The following RHPN2 variants were observed in gnomAD, a reference collection of about 807,000 sequenced individuals.
RHPN2 encodes rhophilin Rho GTPase binding protein 2.
In RHPN2, 40 loss-of-function variants were observed where a neutral mutation model predicts 79.0. The observed-to-expected ratio is 0.51, with a 90% confidence interval of 0.39 to 0.66. RHPN2 has a LOEUF of 0.66. Ranked by LOEUF, RHPN2 falls within the 30% of genes least tolerant of loss-of-function variation. The pLI is 0.00. For missense variants in RHPN2, 686 were observed against 883.5 expected (o/e 0.78, Z 2.83); for synonymous variants, 285 against 363.5 (o/e 0.78, Z 2.46).
chr19:33,019,257 C>G (rs1315933493), intron 4 of RHPN2, among the ~76,000 whole-genome samples: 1 of 151,866 alleles, frequency 6.6e-6, no homozygotes, highest in Non-Finnish European at 1.5e-5. Flanking sequence ...CCAGCCTGGG[C>G]AACAGTGGGA....
chr19:33,006,140 A>G (rs1971789206), intron 7 of RHPN2, among the ~76,000 whole-genome samples: 1 of 152,010 alleles, frequency 6.6e-6, no homozygotes, highest in South Asian at 2.1e-4. Context: ...TCAGCCTCCT[A>G]AAGTGCTGGG....
intron 14 of RHPN2, among the ~76,000 whole-genome samples, chr19:32,988,892 G>A (rs1204406625): frequency 6.6e-6 from 1 of 152,158 alleles, no homozygotes; most frequent in East Asian, 1.9e-4. Context: ...TGACTTTAAT[G>A]CCAGCTTCGC....
chr19:32,988,137 T>C (rs999432893), intron 14 of RHPN2, among the ~76,000 whole-genome samples: 9 of 151,540 alleles, frequency 5.9e-5, no homozygotes, highest in Admixed American at 5.3e-4. Context: ...AAGTCAAGGC[T>C]ACAGTGAGCT....
intron 1 of RHPN2, among the ~76,000 whole-genome samples, chr19:33,047,562 G>A (rs966927151): frequency 6.6e-6 from 1 of 152,116 alleles, no homozygotes; most frequent in African/African-American, 2.4e-5. Context: ...CGGTCTGGCG[G>A]GTAGTATTAC....
At chr19:33,058,762 G>A (rs993268801) in intron 1 of RHPN2, among the ~76,000 whole-genome samples, 4 of 152,030 alleles carry the variant, frequency 2.6e-5, no homozygotes, top group African/African-American at 9.7e-5. Context: ...CCTGGCGACA[G>A]AGCGAGACTC....
intron 1 of RHPN2, among the ~76,000 whole-genome samples, chr19:33,044,647 C>G (rs575623033): frequency 2.6e-5 from 4 of 152,134 alleles, no homozygotes; most frequent in African/African-American, 9.7e-5. Flanking sequence ...AATCCCAGAA[C>G]TTTGGAAGGC....
chr19:33,009,267 T>G (rs1051610390), intron 6 of RHPN2, among the ~76,000 whole-genome samples: 1 of 151,250 alleles, frequency 6.6e-6, no homozygotes, highest in Non-Finnish European at 1.5e-5. Flanking sequence ...TGGGTGATAA[T>G]GATGTGTCAG....
intron 1 of RHPN2, among the ~76,000 whole-genome samples, chr19:33,047,746 A>G (rs1323441130): frequency 6.6e-6 from 1 of 151,944 alleles, no homozygotes; most frequent in Non-Finnish European, 1.5e-5. Context: ...TTCCACAGAG[A>G]TTTCTCATTC....
rs372301058 is a variant in RHPN2, at chr19:33,011,797, G to A, written c.475C>T (p.Arg159Trp). 33 of 1,613,946 alleles carry A rather than the reference G, an allele frequency of 2.0e-5. No homozygotes were observed. The African/African-American group carries it at 2.1e-4, about 10-fold the overall frequency. ...ADLMDLRQAC[R>W]TPSRDEAGVE... ...CCGGCCTCATCCCGGCTAGGCGTCCGACAAGCCTGCAAGGAAAAGAACCCA... is the reference window on the plus strand; with the variant it reads ...CCGGCCTCATCCCGGCTAGGCGTCCAACAAGCCTGCAAGGAAAAGAACCCA... Residue 159 changes from arginine to tryptophan, a missense_variant, in exon 6 of 15, where the codon CGG becomes TGG. Coordinates refer to ENST00000254260, the MANE Select transcript of RHPN2 (RefSeq NM_033103.5).
intron 1 of RHPN2, among the ~76,000 whole-genome samples, chr19:33,055,784 G>A (rs553162826): frequency 1.3e-5 from 2 of 151,380 alleles, no homozygotes; most frequent in East Asian, 3.9e-4. Flanking sequence ...CTTCTCTGCC[G>A]GAGCCTCCAG....
intron 14 of RHPN2, among the ~76,000 whole-genome samples, chr19:32,988,590 T>C (rs1432188496): frequency 6.9e-6 from 1 of 144,948 alleles, no homozygotes; most frequent in Non-Finnish European, 1.5e-5. Flanking sequence ...AAGGCCTCCT[T>C]CTTACCTCAC....
At chr19:33,007,453 C>CT (rs369268149) in intron 7 of RHPN2, among the ~76,000 whole-genome samples, 12 of 152,006 alleles carry the variant, frequency 7.9e-5, no homozygotes, top group African/African-American at 2.7e-4. Context: ...TGCCACTGCG[C>CT]TCCAGCCTGT....
intron 3 of RHPN2, among the ~76,000 whole-genome samples, chr19:33,025,173 CT>C (rs1057079482): frequency 1.3e-5 from 2 of 151,970 alleles, no homozygotes; most frequent in Non-Finnish European, 2.9e-5. Context: ...AATAGAGTGC[CT>C]TCAAAATTGA....
intron 13 of RHPN2, chr19:32,991,349 C>T: frequency 4.5e-6 from 1 of 222,100 alleles, no homozygotes; most frequent in Non-Finnish European, 9.1e-6. Flanking sequence ...ATCCCAGCTA[C>T]TCAGCAGCCT....
At chr19:33,009,300 A>G (rs1971818652) in intron 6 of RHPN2, among the ~76,000 whole-genome samples, 1 of 151,968 alleles carries the variant, frequency 6.6e-6, no homozygotes, top group African/African-American at 2.4e-5. Context: ...ATTATAAAAA[A>G]AAAAAATGGG....
intron 3 of RHPN2, among the ~76,000 whole-genome samples, chr19:33,025,643 G>C (rs1260470399): frequency 1.3e-5 from 2 of 152,210 alleles, no homozygotes; most frequent in Non-Finnish European, 2.9e-5. Context: ...CCCCTTACAG[G>C]GTCAATTTTG....
intron 2 of RHPN2, among the ~76,000 whole-genome samples, chr19:33,039,148 C>T (rs1208645587): frequency 1.3e-5 from 2 of 152,144 alleles, no homozygotes; most frequent in African/African-American, 2.4e-5. Context: ...CATCTGATCC[C>T]AAATCCCGCT....
intron 11 of RHPN2, among the ~76,000 whole-genome samples, 194 bp from the exon 12 acceptor site, chr19:32,994,247 T>G (rs1291023506): frequency 2.0e-5 from 3 of 151,670 alleles, no homozygotes; most frequent in Non-Finnish European, 4.4e-5. Context: ...AATACAAAAA[T>G]TAGCCAGGTA....
intron 1 of RHPN2, among the ~76,000 whole-genome samples, chr19:33,054,079 T>C (rs1169137010): frequency 6.6e-6 from 1 of 151,938 alleles, no homozygotes; most frequent in Non-Finnish European, 1.5e-5. Context: ...CCCAGGCTGG[T>C]CTTGAACTCC....
Sources: allele counts gnomAD v4.1 joint callset (sites outside exome capture counted in the v4.1 genomes callset), GRCh38; gene constraint gnomAD v4.1.1; transcripts MANE v1.5; gene names NCBI Gene and HGNC (gene_info 2026-07-23, HGNC 2026-07-21).